USP22: variants seen among roughly 807,000 people sequenced by gnomAD.
USP22 encodes ubiquitin carboxyl-terminal hydrolase 22.
USP22 carries 22 observed loss-of-function variants against 68.1 expected under a neutral mutation model. That is an observed-to-expected ratio of 0.32 (90% CI 0.23 to 0.46). The LOEUF (loss-of-function observed/expected upper bound fraction) is 0.46. Ranked by LOEUF, USP22 falls within the 20% of genes least tolerant of loss-of-function variation. USP22 has a pLI of 1.00. For synonymous variants in USP22, 279 were observed against 274.2 expected (o/e 1.02, Z -0.17); for missense variants, 433 against 695.8 (o/e 0.62, Z 4.25).
chr17:21,009,403 G>C (rs960623942), intron 8 of USP22, among the ~76,000 whole-genome samples: 1 of 152,174 alleles, frequency 6.6e-6, no homozygotes. Context: ...TTCGTTGCTA[G>C]CTTTGTGATC....
At chr17:21,008,989 G>A (rs2143529973) in intron 8 of USP22, among the ~76,000 whole-genome samples, 1 of 151,646 alleles carries the variant, frequency 6.6e-6, no homozygotes, top group Middle Eastern at 3.4e-3. Flanking sequence ...TACTCAGGAG[G>A]CTGAGGCAGG....
At chr17:21,007,477 T>C (rs1310807473) in intron 9 of USP22, among the ~76,000 whole-genome samples, 1 of 152,212 alleles carries the variant, frequency 6.6e-6, no homozygotes, top group African/African-American at 2.4e-5. Flanking sequence ...GAGCTCGACA[T>C]CTTCAGTTAT....
rs1913834969 is a variant in USP22, at chr17:21,008,110, C to T, written c.1104-114G>A. On this transcript the variant is annotated intron_variant, in intron 8 of 12. Transcript: ENST00000261497. ...GGTTGATTTCCCTACCAAAAACATACACTTACAACTAAAAATGAAACAATG... is the reference window on the plus strand; with the variant it reads ...GGTTGATTTCCCTACCAAAAACATATACTTACAACTAAAAATGAAACAATG... 5.6e-6 allele frequency: 7 copies of T among 1,260,850 alleles called. No homozygotes were observed. The South Asian group carries it at 1.1e-4, about 20-fold the overall frequency. 78.1% of individuals were successfully genotyped at this position (1,260,850 alleles called of 1,614,324 possible). A position where few individuals can be genotyped will look rare whatever the true frequency, so the allele number is the denominator to read the frequency against.
Position 21,002,080 on chromosome 17 carries a change from CCCATCAGACA to C in USP22, c.*941_*950del, listed in dbSNP as rs1488422366. On this transcript the variant is annotated 3_prime_UTR_variant, in exon 13 of 13. Transcript: ENST00000261497. ...GGCAAAGAAAATACGAGGGACAGAA[CCCATCAGACA>C]CCGGCAGACACTGCATTTACTCCAG... The C allele has an allele frequency of 6.6e-6, 1 of 152,260 alleles. No homozygotes were observed. Among genetic ancestry groups the C allele is most frequent in the Non-Finnish European group, 1.5e-5 (1 of 68,104 alleles). 9.4% of individuals were successfully genotyped at this position (152,260 alleles called of 1,614,324 possible).
At chr17:21,028,772 G>T (rs573171410) in intron 1 of USP22, 98 bp from the exon 2 acceptor site, 4 of 1,431,724 alleles carry the variant, frequency 2.8e-6, no homozygotes, top group South Asian at 1.3e-5. Context: ...ACAGCTACTG[G>T]AAGAAAGGAC....
chr17:21,033,462 A>G (rs1177495717), intron 1 of USP22, among the ~76,000 whole-genome samples: 1 of 151,854 alleles, frequency 6.6e-6, no homozygotes, highest in Non-Finnish European at 1.5e-5. Flanking sequence ...CACTCACACT[A>G]CCTCCCACCC....
In USP22 at chr17:21,042,836, G is replaced by T. The variant is rs373299898; in HGVS notation, c.-1C>A. On this transcript the variant is annotated 5_prime_UTR_variant, in exon 1 of 13. Coordinates refer to ENST00000261497, the MANE Select transcript of USP22 (RefSeq NM_015276.2). The stretch of plus-strand genomic sequence containing the variant: ...CCTCGGGCTCTGGCCGGGACACCAT[G>T]GGGGGCAAGGCCCGGCCGCGCGCGG... 2.7e-5 allele frequency: 36 copies of T among 1,340,004 alleles called. No individual in the cohort carries two copies. The African/African-American group carries it at 4.7e-4, about 17-fold the overall frequency. The allele number at this position is 1,340,004 out of a possible 1,614,324, so 83.0% of individuals were successfully genotyped here. A position where few individuals can be genotyped will look rare whatever the true frequency, so the allele number is the denominator to read the frequency against.
At chr17:21,012,579 A>T (rs1914003985) in intron 7 of USP22, among the ~76,000 whole-genome samples, 1 of 151,968 alleles carries the variant, frequency 6.6e-6, no homozygotes, top group African/African-American at 2.4e-5. Context: ...TTCCAAGAAC[A>T]CACTGCTGGC....
chr17:21,025,721 T>G (rs952059366), intron 2 of USP22, among the ~76,000 whole-genome samples: 10 of 152,158 alleles, frequency 6.6e-5, no homozygotes, highest in South Asian at 6.2e-4. Flanking sequence ...AAATGCATGC[T>G]TGCGGAAAGA....
intron 12 of USP22, 34 bp from the exon 13 acceptor site, chr17:21,003,107 C>CT (rs776606327): frequency 6.2e-7 from 1 of 1,612,828 alleles, no homozygotes; most frequent in Non-Finnish European, 8.5e-7. Flanking sequence ...AGGCTCACCT[C>CT]TAACTCCTAA....
chr17:21,025,321 A>T (rs1387488268), intron 2 of USP22, among the ~76,000 whole-genome samples: 1 of 152,220 alleles, frequency 6.6e-6, no homozygotes, highest in African/African-American at 2.4e-5. Context: ...CAAAGCCACA[A>T]TGAGATACCA....
At chr17:21,014,673 G>C (rs1356843253) in intron 6 of USP22, among the ~76,000 whole-genome samples, 1 of 152,176 alleles carries the variant, frequency 6.6e-6, no homozygotes, top group Non-Finnish European at 1.5e-5. Context: ...CCTTGAGACG[G>C]ATGAGAAGCG....
intron 1 of USP22, among the ~76,000 whole-genome samples, chr17:21,038,560 T>C (rs1278576833): frequency 6.6e-6 from 1 of 151,466 alleles, no homozygotes; most frequent in African/African-American, 2.4e-5. Context: ...CCCAGCTACT[T>C]GGGAGGCTGA....
intron 1 of USP22, 106 bp from the exon 2 acceptor site, chr17:21,028,780 G>T: frequency 7.2e-7 from 1 of 1,387,676 alleles, no homozygotes. Context: ...TGGAAGAAAG[G>T]ACAGGGAATT....
intron 1 of USP22, among the ~76,000 whole-genome samples, chr17:21,039,765 T>C (rs1450320650): frequency 6.6e-6 from 1 of 152,222 alleles, no homozygotes; most frequent in East Asian, 1.9e-4. Context: ...ACCTGAGATG[T>C]CCATCTCAAA....
Position 21,042,654 on chromosome 17 carries a change from G to C in USP22, c.171+11C>G. The C allele has an allele frequency of 1.6e-6, 2 of 1,262,946 alleles. No homozygotes were observed. Among genetic ancestry groups the C allele is most frequent in the African/African-American group, 1.5e-5 (1 of 64,990 alleles). The allele number at this position is 1,262,946 out of a possible 1,614,324, so 78.2% of individuals were successfully genotyped here. On this transcript the variant is annotated intron_variant, in intron 1 of 12. Transcript: ENST00000261497. ...CCCCGAGCCCGCCGCGCGGTGGGCT[G>C]CCGGGCGCACCTTGCGCTTGCGGGC...
intron 8 of USP22, among the ~76,000 whole-genome samples, chr17:21,008,524 C>T (rs1913847919): frequency 6.6e-6 from 1 of 152,112 alleles, no homozygotes; most frequent in Non-Finnish European, 1.5e-5. Flanking sequence ...CAAAGGGTTC[C>T]GTTATATCAT....
chr17:21,023,873 G>A (rs1972188609), intron 2 of USP22, among the ~76,000 whole-genome samples: 2 of 152,170 alleles, frequency 1.3e-5, no homozygotes, highest in African/African-American at 2.4e-5. Context: ...GTGCTTCCCA[G>A]AGCTGTGTGA....
chr17:21,002,877 G>T lies in USP22; in HGVS notation c.*154C>A. ...CGTGTGGTCCATCCCGACCCGATGG[G>T]TCCCAGGTGCAGAGGGGCCACATCT... On this transcript the variant is annotated 3_prime_UTR_variant, in exon 13 of 13. Transcript: ENST00000261497. 1.1e-6 allele frequency: 1 copy of T among 900,360 alleles called. No individual in the cohort carries two copies. Among genetic ancestry groups the T allele is most frequent in the Non-Finnish European group, 1.8e-6 (1 of 562,838 alleles). The allele number at this position is 900,360 out of a possible 1,614,324, so 55.8% of individuals were successfully genotyped here.
Sources: allele counts gnomAD v4.1 joint callset (sites outside exome capture counted in the v4.1 genomes callset), GRCh38; gene constraint gnomAD v4.1.1; transcripts MANE v1.5; gene names NCBI Gene and HGNC (gene_info 2026-07-23, HGNC 2026-07-21).